PTPRN2: variants seen among roughly 807,000 people sequenced by gnomAD.
The protein encoded by PTPRN2 is receptor-type tyrosine-protein phosphatase N2.
In PTPRN2, 74 loss-of-function variants were observed where a neutral mutation model predicts 118.8. That is an observed-to-expected ratio of 0.62 (90% CI 0.52 to 0.76). The LOEUF is 0.76. Ranked by LOEUF, PTPRN2 falls within the 30% of genes least tolerant of loss-of-function variation. The probability of loss-of-function intolerance (pLI) is 0.00; values close to 1 mark genes in which losing one functional copy is unlikely to be tolerated. For missense variants in PTPRN2, 1,481 were observed against 1,394.4 expected (o/e 1.06, Z -0.99); for synonymous variants, 641 against 608.0 (o/e 1.05, Z -0.80).
At chr7:158,386,701 T>C (rs1811412898) in intron 2 of PTPRN2, among the ~76,000 whole-genome samples, 2 of 152,174 alleles carry the variant, frequency 1.3e-5, no homozygotes, top group Non-Finnish European at 2.9e-5. Flanking sequence ...TCACCAAATG[T>C]AGATGTACAA....
intron 13 of PTPRN2, among the ~76,000 whole-genome samples, chr7:157,675,287 C>T (rs577084362): frequency 2.0e-5 from 3 of 152,254 alleles, no homozygotes; most frequent in East Asian, 1.9e-4. Context: ...GCCCTCACCT[C>T]GATGTGAGCC....
intron 10 of PTPRN2, among the ~76,000 whole-genome samples, chr7:158,098,073 C>T (rs1585426769): frequency 6.6e-6 from 1 of 152,148 alleles, no homozygotes; most frequent in African/African-American, 2.4e-5. Flanking sequence ...CAAGTGTGTG[C>T]CCGTGGCTGC....
At position 158,132,668 on chromosome 7, in the gene PTPRN2, TAC is replaced by T. The variant is rs538701434; in HGVS notation, c.1556+1007_1556+1008del. On this transcript the variant is annotated intron_variant, in intron 9 of 22. Transcript: ENST00000389418. ...TACACATCTACCCTACACACTCATATACACACAGATACACACACATCTACCCA... is the reference window on the plus strand; with the variant it reads ...TACACATCTACCCTACACACTCATATACACAGATACACACACATCTACCCA... 3.5e-3 allele frequency among the ~76,000 whole-genome samples: 530 copies of T among 151,472 alleles called. 4 individuals are homozygous for T. The highest frequency in any genetic ancestry group is 0.012 in the African/African-American group (498 of 41,242).
chr7:158,273,603 C>T (rs1262722962), intron 3 of PTPRN2, among the ~76,000 whole-genome samples: 3 of 82,936 alleles, frequency 3.6e-5, no homozygotes, highest in South Asian at 4.3e-4. Context: ...TGGGAGGAGC[C>T]GCAGACACGG....
intron 5 of PTPRN2, among the ~76,000 whole-genome samples, chr7:158,175,041 T>C (rs1004333762): frequency 6.6e-6 from 1 of 152,202 alleles, no homozygotes; most frequent in African/African-American, 2.4e-5. Context: ...GAGTCCCACA[T>C]GCCGGGAGAC....
intron 11 of PTPRN2, among the ~76,000 whole-genome samples, chr7:158,034,527 C>G (rs1036640039): frequency 1.3e-5 from 2 of 151,914 alleles, no homozygotes; most frequent in Non-Finnish European, 2.9e-5. Flanking sequence ...GGGACTTGCT[C>G]CTCCTTGCCT....
At chr7:158,554,783 A>G (rs892242067) in intron 1 of PTPRN2, among the ~76,000 whole-genome samples, 2 of 151,920 alleles carry the variant, frequency 1.3e-5, no homozygotes, top group Non-Finnish European at 2.9e-5. Flanking sequence ...GGCTCCCCCG[A>G]TCCAGCGCAG....
chr7:157,869,207 T>C lies in PTPRN2; in HGVS notation c.1788+29466A>G, dbSNP rs758602230. On this transcript the variant is annotated intron_variant, in intron 12 of 22. Transcript: ENST00000389418. The surrounding 1 kb of genome is among the most constrained non-coding windows in gnomAD (Gnocchi z 4.2). ...CCAGGGTCCTAAGCGTGTGCTTAGG[T>C]ACTTGCAGAGCCTCCCAGCATGGGA... is the stretch of plus-strand genomic sequence containing the variant. The C allele has an allele frequency of 6.6e-6, 1 of 152,166 alleles. No homozygotes were observed. Among genetic ancestry groups the C allele is most frequent in the Non-Finnish European group, 1.5e-5 (1 of 68,024 alleles). The allele number at this position is 152,166 out of a possible 1,614,324, so 9.4% of individuals were successfully genotyped here. A position where few individuals can be genotyped will look rare whatever the true frequency, so the allele number is the denominator to read the frequency against.
intron 12 of PTPRN2, among the ~76,000 whole-genome samples, chr7:157,796,337 C>T (rs1804866610): frequency 6.6e-6 from 1 of 152,180 alleles, no homozygotes; most frequent in South Asian, 2.1e-4. Flanking sequence ...TCACATTTTA[C>T]CGGGATGGTG....
At chr7:157,751,734 C>T (rs1402972129) in intron 12 of PTPRN2, among the ~76,000 whole-genome samples, 7 of 152,068 alleles carry the variant, frequency 4.6e-5, no homozygotes, top group East Asian at 1.9e-4. Flanking sequence ...TGGAGCCGCG[C>T]GCACAGAATC....
intron 4 of PTPRN2, among the ~76,000 whole-genome samples, chr7:158,196,843 C>A (rs936713146): frequency 6.6e-6 from 1 of 152,194 alleles, no homozygotes; most frequent in Non-Finnish European, 1.5e-5. Flanking sequence ...AATTCTATAT[C>A]CCATGAAAAT....
intron 16 of PTPRN2, among the ~76,000 whole-genome samples, chr7:157,595,547 G>T (rs1455226759): frequency 2.2e-4 from 25 of 113,610 alleles, no homozygotes; most frequent in African/African-American, 9.4e-4. Context: ...AAGCCAGGAG[G>T]TTAGGAAGCC....
At chr7:157,786,034 T>G (rs1371539678) in intron 12 of PTPRN2, among the ~76,000 whole-genome samples, 1 of 152,152 alleles carries the variant, frequency 6.6e-6, no homozygotes, top group African/African-American at 2.4e-5. Flanking sequence ...CCCTGCTGTT[T>G]GGCCTCCTCT....
At chr7:158,114,156 G>A (rs1014838419) in intron 9 of PTPRN2, among the ~76,000 whole-genome samples, 12 of 152,232 alleles carry the variant, frequency 7.9e-5, no homozygotes, top group Admixed American at 2.0e-4. Flanking sequence ...GAAAGGTGAG[G>A]CTGCATCCAC....
chr7:158,143,942 G>A (rs989788299), intron 6 of PTPRN2, among the ~76,000 whole-genome samples: 11 of 152,032 alleles, frequency 7.2e-5, no homozygotes, highest in Admixed American at 2.6e-4. Flanking sequence ...CGTCCCCCCC[G>A]CAGCCGGAGC....
At chr7:157,581,394 G>C (rs187730569) in intron 17 of PTPRN2, among the ~76,000 whole-genome samples, 1 of 152,334 alleles carries the variant, frequency 6.6e-6, no homozygotes, top group Non-Finnish European at 1.5e-5. Flanking sequence ...GGCCTGGGGT[G>C]GGGAGGGGAG....
chr7:158,446,919 G>A (rs576579225), intron 2 of PTPRN2, among the ~76,000 whole-genome samples: 2 of 152,192 alleles, frequency 1.3e-5, no homozygotes, highest in South Asian at 2.1e-4. Context: ...CTGTTCCCAC[G>A]GCCTCACGGC....
chr7:157,586,983 G>T lies in PTPRN2; in HGVS notation c.2496+8255C>A, dbSNP rs989008565. 4.6e-5 allele frequency among the ~76,000 whole-genome samples: 7 copies of T among 152,352 alleles called. No homozygotes were observed. The East Asian group carries it at 1.3e-3, about 29-fold the overall frequency. On this transcript the variant is annotated intron_variant, in intron 17 of 22. Transcript: ENST00000389418. Reference sequence around the variant, plus strand: ...TGGATGCTCTGAGGTTTGGTTGCTGGTGGTGCTGATGGTGATGCCTGCAGT... The same window carrying T: ...TGGATGCTCTGAGGTTTGGTTGCTGTTGGTGCTGATGGTGATGCCTGCAGT...
intron 11 of PTPRN2, among the ~76,000 whole-genome samples, chr7:157,989,118 C>T (rs1000380764): frequency 1.3e-5 from 2 of 152,200 alleles, no homozygotes; most frequent in East Asian, 3.9e-4. Context: ...CAGGCTGAGT[C>T]GAAAGACCGT....
Sources: gnomAD v4.1 joint callset for allele counts (sites outside exome capture counted in the v4.1 genomes callset) on GRCh38, gnomAD v4.1.1 for gene constraint, Gnocchi (gnomAD v3.1) non-coding constraint, MANE v1.5 for transcripts, NCBI Gene and HGNC (gene_info 2026-07-23, HGNC 2026-07-21) for gene names.